The following MAN1A2 variants were observed in gnomAD, a reference collection of about 807,000 sequenced individuals.
MAN1A2 encodes mannosyl-oligosaccharide 1,2-alpha-mannosidase IB.
MAN1A2 carries 26 observed loss-of-function variants against 75.7 expected under a neutral mutation model. The ratio of observed to expected loss-of-function variants is 0.34; its 90% CI spans 0.25 to 0.48. MAN1A2 has a LOEUF of 0.48. Among genes scored for constraint, MAN1A2 ranks in the 20% least tolerant of loss-of-function variants. MAN1A2 has a pLI of 0.99. For synonymous variants in MAN1A2, 247 were observed against 264.6 expected, an observed-to-expected ratio of 0.93 and a Z score of 0.65; for missense variants, 562 against 775.5, an observed-to-expected ratio of 0.72 and a Z score of 3.27.
At chr1:117,428,813 T>A (rs1648475680) in intron 5 of MAN1A2, among the ~76,000 whole-genome samples, 2 of 144,052 alleles carry the variant, frequency 1.4e-5, no homozygotes, top group African/African-American at 2.5e-5. Context: ...TTTTTAAATT[T>A]ATTTTTTTAT....
chr1:117,373,147 G>A (rs527257251), intron 1 of MAN1A2, among the ~76,000 whole-genome samples: 3 of 149,832 alleles, frequency 2.0e-5, no homozygotes, highest in South Asian at 2.1e-4. Context: ...GTTATGATTC[G>A]TGTTTTTTTT....
intron 6 of MAN1A2, among the ~76,000 whole-genome samples, chr1:117,445,880 G>GTATATATATATATATATATATATATATA (rs771435341): frequency 7.9e-6 from 1 of 126,010 alleles, no homozygotes; most frequent in Admixed American, 7.9e-5. Context: ...GTGTCTGTGT[G>GTATATATATATATATATATATATATATA]TGTGTATATA....
chr1:117,450,640 T>C (rs1166168391), intron 6 of MAN1A2, among the ~76,000 whole-genome samples: 2 of 152,070 alleles, frequency 1.3e-5, no homozygotes, highest in African/African-American at 2.4e-5. Context: ...AGGCCCAGGG[T>C]CCCCTTGTGT....
At chr1:117,401,439 AG>A (rs1199043151) in intron 1 of MAN1A2, among the ~76,000 whole-genome samples, 1 of 152,182 alleles carries the variant, frequency 6.6e-6, no homozygotes, top group Non-Finnish European at 1.5e-5. Context: ...AGTGTTTTAC[AG>A]TAAGTACCAC....
chr1:117,420,884 T>G (rs1347059169), intron 5 of MAN1A2, among the ~76,000 whole-genome samples: 1 of 152,048 alleles, frequency 6.6e-6, no homozygotes, highest in East Asian at 1.9e-4. Flanking sequence ...ATGTCTCCTT[T>G]GCAAGAGTGA....
intron 1 of MAN1A2, among the ~76,000 whole-genome samples, chr1:117,385,247 C>T (rs1026346784): frequency 2.0e-5 from 3 of 152,170 alleles, no homozygotes; most frequent in African/African-American, 7.2e-5. Context: ...AGGAGGGCAT[C>T]TTTCCAGTAG....
chr1:117,402,107 A>G, intron 1 of MAN1A2, 79 bp from the exon 2 acceptor site: 1 of 1,409,066 alleles, frequency 7.1e-7, no homozygotes, highest in Non-Finnish European at 9.6e-7. Flanking sequence ...TTAATGGAGA[A>G]ACCTTTATGT....
intron 1 of MAN1A2, among the ~76,000 whole-genome samples, chr1:117,392,105 A>G (rs1460939234): frequency 3.9e-5 from 6 of 152,014 alleles, no homozygotes; most frequent in Non-Finnish European, 8.8e-5. Flanking sequence ...CCTCAAGTCA[A>G]TCCTGAGGAG....
At chr1:117,373,249 C>T (rs906018878) in intron 1 of MAN1A2, among the ~76,000 whole-genome samples, 2 of 151,972 alleles carry the variant, frequency 1.3e-5, no homozygotes, top group African/African-American at 4.8e-5. Context: ...TCTCATCCCT[C>T]TTCTGGACCT....
intron 5 of MAN1A2, among the ~76,000 whole-genome samples, chr1:117,438,766 C>T (rs965963573): frequency 6.6e-6 from 1 of 152,178 alleles, no homozygotes; most frequent in African/African-American, 2.4e-5. Flanking sequence ...GTATAGGAGT[C>T]ATAGGCTGTA....
intron 1 of MAN1A2, among the ~76,000 whole-genome samples, chr1:117,374,130 T>A (rs1653063946): frequency 6.6e-6 from 1 of 152,122 alleles, no homozygotes. Context: ...TGAGACCCTG[T>A]CACTGCACAT....
At chr1:117,456,153 A>G (rs2101829938) in intron 6 of MAN1A2, among the ~76,000 whole-genome samples, 1 of 152,232 alleles carries the variant, frequency 6.6e-6, no homozygotes, top group Non-Finnish European at 1.5e-5. Flanking sequence ...CTACAAAATT[A>G]TGTTTATCAC....
At chr1:117,441,451 A>G (rs1649031606) in intron 5 of MAN1A2, among the ~76,000 whole-genome samples, 2 of 152,204 alleles carry the variant, frequency 1.3e-5, no homozygotes, top group South Asian at 2.1e-4. Context: ...CTTGATGCAT[A>G]TAAGAGAATG....
chr1:117,458,523 A>ATTTTTTTTTTTTTTTTTTTTT (rs5777311), intron 6 of MAN1A2, among the ~76,000 whole-genome samples: 16 of 105,604 alleles, frequency 1.5e-4, no homozygotes, highest in African/African-American at 2.1e-4. Flanking sequence ...ATATATATAT[A>ATTTTTTTTTTTTTTTTTTTTT]TTTTTTTTTT....
In MAN1A2 at chr1:117,420,631, T is replaced by G; in HGVS notation, c.837T>G (p.Tyr279Ter). The change falls in exon 5 of 13, where the codon TAT (tyrosine) becomes TAG (stop). Residue 279 changes from tyrosine (Y) to a stop codon, truncating the protein, a stop_gained. Coordinates refer to ENST00000356554, the MANE Select transcript of MAN1A2 (RefSeq NM_006699.5). LOFTEE classifies it high-confidence loss of function. ...TTATTGGAGGCCTACTTGCAGCATA[T>G]TACCTATCAGGAGAGGAGGTGAGCA... is the stretch of plus-strand genomic sequence containing the variant. ...IRFIGGLLAA[Y>*]YLSGEEIFKI... is the part of the protein sequence containing the mutation. The G allele has an allele frequency of 6.2e-7, 1 of 1,612,784 alleles. No homozygotes were observed. Among genetic ancestry groups the G allele is most frequent in the Non-Finnish European group, 8.5e-7 (1 of 1,178,978 alleles).
intron 8 of MAN1A2, among the ~76,000 whole-genome samples, chr1:117,483,139 T>C (rs1650552049): frequency 6.6e-6 from 1 of 152,178 alleles, no homozygotes; most frequent in African/African-American, 2.4e-5. Context: ...TTGGTTACTG[T>C]AGCCTTATAG....
intron 12 of MAN1A2, among the ~76,000 whole-genome samples, chr1:117,521,968 G>A (rs540865612): frequency 2.2e-4 from 33 of 152,010 alleles, no homozygotes; most frequent in African/African-American, 7.2e-4. Flanking sequence ...ACTGATATGT[G>A]GGAGCTAAGC....
At chr1:117,437,742 A>G (rs1262775434) in intron 5 of MAN1A2, among the ~76,000 whole-genome samples, 1 of 152,212 alleles carries the variant, frequency 6.6e-6, no homozygotes, top group East Asian at 1.9e-4. Context: ...GTGAGGATTA[A>G]ATGAGTTAAT....
At chr1:117,508,661 T>C (rs1243219220) in intron 12 of MAN1A2, among the ~76,000 whole-genome samples, 1 of 151,688 alleles carries the variant, frequency 6.6e-6, no homozygotes, top group Non-Finnish European at 1.5e-5. Context: ...AATAGCTGAA[T>C]GGTTAAGTAA....
Sources: gnomAD v4.1 joint callset for allele counts (sites outside exome capture counted in the v4.1 genomes callset) on GRCh38, gnomAD v4.1.1 for gene constraint, MANE v1.5 for transcripts, NCBI Gene and HGNC (gene_info 2026-07-23, HGNC 2026-07-21) for gene names.